The following PRKN variants were observed in gnomAD, a reference collection of about 807,000 sequenced individuals.
The protein encoded by PRKN is E3 ubiquitin-protein ligase parkin.
In PRKN, 56 loss-of-function variants were observed where a neutral mutation model predicts 59.5. The ratio of observed to expected loss-of-function variants is 0.94; its 90% CI spans 0.76 to 1.18. The LOEUF (loss-of-function observed/expected upper bound fraction) is 1.18, where lower values mean the gene tolerates loss of function less well. PRKN is among the 50% of genes most tolerant of loss of function. The pLI is 0.00. For synonymous variants in PRKN, 250 were observed against 222.1 expected, an observed-to-expected ratio of 1.13 and a Z score of -1.12; for missense variants, 657 against 596.4, an observed-to-expected ratio of 1.10 and a Z score of -1.06.
rs182484445 is a variant in PRKN, at chr6:162,122,917, C to A, written c.535-68743G>T. ...CTAATAACCCATTCACAGAATGTTT[C>A]ATTCGTGTCTTCTCAGCTCTGGGCT... is the stretch of plus-strand genomic sequence containing the variant. On this transcript the variant is annotated intron_variant, in intron 4 of 11. Transcript: ENST00000366898. Among the ~76,000 whole-genome samples the A allele has an allele frequency of 2.0e-4, 30 of 151,974 alleles. 1 individual carries two copies. Among genetic ancestry groups the A allele is most frequent in the Admixed American group, 1.5e-3 (23 of 15,256 alleles).
At chr6:161,873,432 C>T (rs1016135755) in intron 6 of PRKN, among the ~76,000 whole-genome samples, 2 of 151,836 alleles carry the variant, frequency 1.3e-5, no homozygotes, top group African/African-American at 2.4e-5. Context: ...GAAAAACCAC[C>T]CCGACACCCA....
At chr6:162,259,656 T>C (rs184499418) in intron 3 of PRKN, among the ~76,000 whole-genome samples, 20 of 152,354 alleles carry the variant, frequency 1.3e-4, no homozygotes, top group African/African-American at 3.8e-4. Context: ...ACCAAGACAT[T>C]TGAAGAGATG....
chr6:162,488,537 C>G (rs868206826), intron 1 of PRKN, among the ~76,000 whole-genome samples: 1 of 152,180 alleles, frequency 6.6e-6, no homozygotes, highest in African/African-American at 2.4e-5. Context: ...TCTACTCACA[C>G]TTCCTCAGAG....
At chr6:162,006,122 G>A (rs760190520) in intron 5 of PRKN, among the ~76,000 whole-genome samples, 4 of 152,132 alleles carry the variant, frequency 2.6e-5, no homozygotes, top group Non-Finnish European at 5.9e-5. Context: ...ATATATGTGT[G>A]TGATTTTATT....
At chr6:161,945,979 G>A (rs1438902829) in intron 6 of PRKN, among the ~76,000 whole-genome samples, 1 of 152,112 alleles carries the variant, frequency 6.6e-6, no homozygotes, top group Admixed American at 6.6e-5. Flanking sequence ...TTAGGGTGAT[G>A]AGAACTTCCT....
chr6:161,760,407 A>G (rs999559888), intron 7 of PRKN, among the ~76,000 whole-genome samples: 9 of 150,972 alleles, frequency 6.0e-5, no homozygotes, highest in African/African-American at 1.9e-4. Context: ...GATGGAAAAG[A>G]CCCTTTTTTT....
intron 7 of PRKN, among the ~76,000 whole-genome samples, chr6:161,595,013 ATGTGACTGTATTGGGTGGGTACCCTT>A (rs1273982051): frequency 1.1e-4 from 17 of 152,220 alleles, no homozygotes; most frequent in Admixed American, 1.0e-3. Context: ...CCAATGGAAA[ATGTGACTGTATTGGGTGGGTACCCTT>A]TGTGCTATTC....
intron 7 of PRKN, among the ~76,000 whole-genome samples, chr6:161,781,602 A>C (rs1790208696): frequency 6.6e-6 from 1 of 152,244 alleles, no homozygotes; most frequent in Non-Finnish European, 1.5e-5. Context: ...ATCTCGTGGC[A>C]AAGAACCACC....
intron 7 of PRKN, among the ~76,000 whole-genome samples, chr6:161,594,333 G>T (rs1473593025): frequency 6.6e-6 from 1 of 152,248 alleles, no homozygotes; most frequent in East Asian, 1.9e-4. Context: ...TGTCTTATGA[G>T]AGAAACAAGG....
At chr6:162,550,237 G>A (rs773243515) in intron 1 of PRKN, among the ~76,000 whole-genome samples, 7 of 152,266 alleles carry the variant, frequency 4.6e-5, no homozygotes, top group African/African-American at 7.2e-5. Context: ...TAGGTGGAAC[G>A]AAGCCTGTCT....
At chr6:162,092,263 G>A (rs1187926254) in intron 4 of PRKN, among the ~76,000 whole-genome samples, 5 of 152,156 alleles carry the variant, frequency 3.3e-5, no homozygotes, top group Admixed American at 3.3e-4. Flanking sequence ...GCTGAGGCAG[G>A]AGAATCACTG....
intron 7 of PRKN, among the ~76,000 whole-genome samples, chr6:161,580,540 A>C (rs1404477871): frequency 2.0e-5 from 3 of 151,994 alleles, no homozygotes; most frequent in African/African-American, 7.2e-5. Context: ...GCAGTGGTGC[A>C]ATCTCGGCTC....
In PRKN at chr6:161,833,224, G is replaced by T. The variant is rs570094296; in HGVS notation, c.735-47316C>A. Among the ~76,000 whole-genome samples the T allele has an allele frequency of 3.0e-4, 45 of 151,648 alleles. 3 individuals carry two copies. In the South Asian group the frequency reaches 8.3e-3, roughly 28 times the overall value. On this transcript the variant is annotated intron_variant, in intron 6 of 11. Coordinates refer to ENST00000366898, the MANE Select transcript of PRKN (RefSeq NM_004562.3). ...GTCTTATAAAGCCAGGGCAGCCTAA[G>T]AAGCCGTGATCCCTGGAATGGGGCA...
chr6:162,288,983 A>AC (rs1164912522), intron 2 of PRKN, among the ~76,000 whole-genome samples: 1 of 152,170 alleles, frequency 6.6e-6, no homozygotes, highest in Non-Finnish European at 1.5e-5. Context: ...TGTGGTCTGT[A>AC]GGGTTTTACT....
intron 7 of PRKN, among the ~76,000 whole-genome samples, chr6:161,706,774 T>C (rs1374149236): frequency 6.6e-6 from 1 of 152,074 alleles, no homozygotes; most frequent in Non-Finnish European, 1.5e-5. Flanking sequence ...GCCAGGCTGG[T>C]CTCGAACTCC....
intron 5 of PRKN, among the ~76,000 whole-genome samples, chr6:162,020,332 CAAAAAAAAAAAAA>C (rs771141235): frequency 2.2e-5 from 1 of 45,446 alleles, no homozygotes; most frequent in Non-Finnish European, 4.6e-5. Flanking sequence ...ACCAATGAAT[CAAAAAAAAAAAAA>C]AAAAAAAAAA....
chr6:162,548,702 C>T (rs1371079524), intron 1 of PRKN, among the ~76,000 whole-genome samples: 1 of 152,144 alleles, frequency 6.6e-6, no homozygotes, highest in Admixed American at 6.5e-5. Flanking sequence ...TGAGCTTGAG[C>T]TGCAATGAGC....
At chr6:162,531,371 T>C (rs1006732017) in intron 1 of PRKN, among the ~76,000 whole-genome samples, 8 of 152,126 alleles carry the variant, frequency 5.3e-5, no homozygotes, top group Non-Finnish European at 1.0e-4. Context: ...GAAAGAGTAA[T>C]TCACGCAGAG....
At chr6:161,416,228 C>T (rs1178219728) in intron 9 of PRKN, among the ~76,000 whole-genome samples, 1 of 152,130 alleles carries the variant, frequency 6.6e-6, no homozygotes, top group Non-Finnish European at 1.5e-5. Flanking sequence ...ACCAGTGGCC[C>T]TCAGAGCTAA....
Sources: allele counts gnomAD v4.1 joint callset (sites outside exome capture counted in the v4.1 genomes callset), GRCh38; gene constraint gnomAD v4.1.1; transcripts MANE v1.5; gene names NCBI Gene and HGNC (gene_info 2026-07-23, HGNC 2026-07-21).